The following AKAP10 variants were observed in gnomAD, a reference collection of about 807,000 sequenced individuals.
The protein encoded by AKAP10 is A-kinase anchoring protein 10, also known as A-kinase anchor protein 10, mitochondrial.
In AKAP10, 24 loss-of-function variants were observed where a neutral mutation model predicts 80.8. The observed-to-expected ratio is 0.30, with a 90% CI of 0.22 to 0.42. The LOEUF is 0.42. AKAP10 is among the 10% of genes least tolerant of loss of function. The probability of loss-of-function intolerance (pLI) is 1.00; values close to 1 mark genes in which losing one functional copy is unlikely to be tolerated. For synonymous variants in AKAP10, 291 were observed against 277.7 expected (o/e 1.05, Z -0.48); for missense variants, 661 against 794.9 (o/e 0.83, Z 2.03).
chr17:19,965,352 A>G (rs2043403067), intron 2 of AKAP10, among the ~76,000 whole-genome samples: 2 of 152,338 alleles, frequency 1.3e-5, no homozygotes, highest in African/African-American at 2.4e-5. Context: ...TTTCTGTATT[A>G]TAACAAAAAA....
chr17:19,977,601 G>A lies in AKAP10; in HGVS notation c.79C>T (p.Arg27Trp). The change falls in exon 1 of 15, where the codon CGG becomes TGG. Residue 27 changes from arginine (R) to tryptophan (W), a missense_variant. Transcript: ENST00000225737. ...GCGCCCCCTCAGCTACCTTTCCGCC[G>A]GAAGAAGGACATGGCGGGGCCCGGG... is the stretch of plus-strand genomic sequence containing the variant. Reference protein sequence around the residue: ...PDPGPAMSFFRRKVKGKEQEK... With the variant: ...PDPGPAMSFFWRKVKGKEQEK... The A allele has an allele frequency of 2.4e-6, 3 of 1,234,646 alleles. No individual in the cohort carries two copies. Among genetic ancestry groups the A allele is most frequent in the Non-Finnish European group, 3.0e-6 (3 of 987,964 alleles). The allele number at this position is 1,234,646 out of a possible 1,614,324, so 76.5% of individuals were successfully genotyped here.
At chr17:19,932,268 T>C (rs2042943546) in intron 9 of AKAP10, among the ~76,000 whole-genome samples, 1 of 151,692 alleles carries the variant, frequency 6.6e-6, no homozygotes, top group South Asian at 2.1e-4. Context: ...CTGGCCAACA[T>C]GATGAAACCC....
chr17:19,922,440 G>C (rs973051059), intron 11 of AKAP10, among the ~76,000 whole-genome samples: 2 of 152,030 alleles, frequency 1.3e-5, no homozygotes, highest in African/African-American at 4.8e-5. Flanking sequence ...TTTTAGTAGA[G>C]ACGGAGTTTC....
At chr17:19,920,232 T>C (rs2042795099) in intron 11 of AKAP10, 114 bp from the exon 12 acceptor site, 1 of 714,898 alleles carries the variant, frequency 1.4e-6, no homozygotes, top group South Asian at 1.8e-5. Flanking sequence ...ACACAATTTA[T>C]AGCTATCCTA....
At chr17:19,975,108 C>T (rs1347860541) in intron 1 of AKAP10, among the ~76,000 whole-genome samples, 1 of 152,072 alleles carries the variant, frequency 6.6e-6, no homozygotes, top group Non-Finnish European at 1.5e-5. Context: ...CTCATTGTAG[C>T]CTCCACCTCC....
rs2042623096 is a variant in AKAP10 at position 19,905,443 on chromosome 17, A to G, written c.*784T>C. 2.0e-5 allele frequency: 3 copies of G among 152,216 alleles called. No homozygotes were observed. The highest frequency in any genetic ancestry group is 4.8e-5 in the African/African-American group (2 of 41,408). 9.4% of individuals were successfully genotyped at this position (152,216 alleles called of 1,614,324 possible). On this transcript the variant is annotated 3_prime_UTR_variant, in exon 15 of 15. Transcript: ENST00000225737. Reference sequence around the variant, plus strand: ...TCGCTATTTCTTTCTTTCTTTCCACATGTATTCTGAAGGGAAAGTTAAGTA... The same window carrying G: ...TCGCTATTTCTTTCTTTCTTTCCACGTGTATTCTGAAGGGAAAGTTAAGTA...
intron 12 of AKAP10, among the ~76,000 whole-genome samples, chr17:19,917,784 G>A (rs538049403): frequency 6.6e-6 from 1 of 152,156 alleles, no homozygotes. Flanking sequence ...TTAGCCAGGC[G>A]TGGTGGCAGG....
chr17:19,962,197 C>T (rs1000678750), intron 3 of AKAP10, among the ~76,000 whole-genome samples: 3 of 152,026 alleles, frequency 2.0e-5, no homozygotes, highest in African/African-American at 7.3e-5. Context: ...TTCCCTATAA[C>T]AGATATTTAT....
intron 8 of AKAP10, among the ~76,000 whole-genome samples, 178 bp downstream of exon 8, chr17:19,939,535 G>A (rs929475173): frequency 6.6e-6 from 1 of 152,102 alleles, no homozygotes; most frequent in Non-Finnish European, 1.5e-5. Flanking sequence ...CCCTTTCCCA[G>A]CAGAAACTTT....
intron 14 of AKAP10, among the ~76,000 whole-genome samples, chr17:19,907,410 CTTTT>C (rs59027197): frequency 1.5e-5 from 2 of 136,408 alleles, no homozygotes; most frequent in Non-Finnish European, 3.2e-5. Context: ...TTTTCTTTAA[CTTTT>C]TTTTTTTTTT....
At chr17:19,945,778 G>C (rs2043096949) in intron 5 of AKAP10, among the ~76,000 whole-genome samples, 1 of 151,822 alleles carries the variant, frequency 6.6e-6, no homozygotes, top group African/African-American at 2.4e-5. Flanking sequence ...CCCAACATCG[G>C]GACAGATCTG....
In AKAP10 at chr17:19,907,053, T is replaced by C. The variant is rs570116310; in HGVS notation, c.1984-821A>G. On this transcript the variant is annotated intron_variant, in intron 14 of 14. Coordinates refer to ENST00000225737, the MANE Select transcript of AKAP10 (RefSeq NM_007202.4). ...TTTTTTTGAGACGGAGTTTCACTCT[T>C]GTGGCCCAAGCTGGAGTGCACTGGT... Among the ~76,000 whole-genome samples the C allele has an allele frequency of 3.9e-5, 6 of 152,192 alleles. No individual in the cohort carries two copies. In the South Asian group the frequency reaches 1.2e-3, roughly 32 times the overall value.
intron 10 of AKAP10, among the ~76,000 whole-genome samples, chr17:19,927,068 G>A (rs2042882359): frequency 6.6e-6 from 1 of 152,206 alleles, no homozygotes; most frequent in Non-Finnish European, 1.5e-5. Context: ...GGTTGCGTGT[G>A]GCTCACACCT....
chr17:19,931,342 C>T (rs544167281), intron 10 of AKAP10, among the ~76,000 whole-genome samples: 100 of 151,568 alleles, frequency 6.6e-4, no homozygotes, highest in African/African-American at 2.3e-3. Context: ...TTTTAAGTTA[C>T]CACAAATGCT....
chr17:19,976,210 G>C (rs1406836638), intron 1 of AKAP10, among the ~76,000 whole-genome samples: 1 of 152,118 alleles, frequency 6.6e-6, no homozygotes, highest in African/African-American at 2.4e-5. Context: ...TTTCTGGCTG[G>C]CCGCGGTGGC....
At chr17:19,946,241 ATAT>A (rs2043115688) in intron 5 of AKAP10, among the ~76,000 whole-genome samples, 4 of 10,744 alleles carry the variant, frequency 3.7e-4, no homozygotes, top group African/African-American at 1.9e-3. Flanking sequence ...TATATATTAT[ATAT>A]ATATATATAT....
intron 3 of AKAP10, among the ~76,000 whole-genome samples, chr17:19,958,882 C>CT (rs1402505947): frequency 3.8e-5 from 3 of 79,410 alleles, no homozygotes; most frequent in Non-Finnish European, 5.0e-5. Flanking sequence ...ACTTTTCACT[C>CT]TTGTTGCCTA....
chr17:19,971,712 A>T (rs1423323544), intron 1 of AKAP10, among the ~76,000 whole-genome samples: 1 of 152,156 alleles, frequency 6.6e-6, no homozygotes, highest in Non-Finnish European at 1.5e-5. Context: ...CCTAATTTTC[A>T]CTTAAACATT....
At chr17:19,911,986 T>C (rs976299638) in intron 12 of AKAP10, among the ~76,000 whole-genome samples, 1 of 152,028 alleles carries the variant, frequency 6.6e-6, no homozygotes, top group Non-Finnish European at 1.5e-5. Context: ...GCACAAGGGA[T>C]TGCCACTACA....
Sources: gnomAD v4.1 joint callset for allele counts (sites outside exome capture counted in the v4.1 genomes callset) on GRCh38, gnomAD v4.1.1 for gene constraint, MANE v1.5 for transcripts, NCBI Gene and HGNC (gene_info 2026-07-23, HGNC 2026-07-21) for gene names.